CWC22: variants seen among roughly 807,000 people sequenced by gnomAD.
CWC22 encodes CWC22 spliceosome associated protein.
CWC22 carries 53 observed loss-of-function variants against 117.2 expected under a neutral mutation model. That is an observed-to-expected ratio of 0.45 (90% CI 0.36 to 0.57). The LOEUF (loss-of-function observed/expected upper bound fraction) is 0.57, where lower values mean the gene tolerates loss of function less well. CWC22 is among the 20% of genes least tolerant of loss of function. The pLI is 0.00. For synonymous variants in CWC22, 360 were observed against 355.6 expected (o/e 1.01, Z -0.14); for missense variants, 980 against 1,068.8 (o/e 0.92, Z 1.16).
chr2:179,996,445 T>C (rs1448724394), intron 1 of CWC22, among the ~76,000 whole-genome samples: 2 of 152,186 alleles, frequency 1.3e-5, no homozygotes, highest in Middle Eastern at 3.4e-3. Context: ...GAATGGTTAA[T>C]AGTTAAAGCC....
chr2:179,949,012 C>T (rs1372955731), intron 19 of CWC22, among the ~76,000 whole-genome samples: 1 of 152,016 alleles, frequency 6.6e-6, no homozygotes, highest in Non-Finnish European at 1.5e-5. Context: ...TGCAACTTTC[C>T]TAAATCTAAA....
chr2:179,967,814 T>G (rs1380866101), intron 11 of CWC22, among the ~76,000 whole-genome samples: 2 of 152,178 alleles, frequency 1.3e-5, no homozygotes, highest in African/African-American at 4.8e-5. Context: ...GCAAGATGAA[T>G]TAGCTATTTT....
intron 14 of CWC22, 87 bp from the exon 15 acceptor site, chr2:179,955,121 C>T (rs1001860764): frequency 1.9e-5 from 18 of 946,876 alleles, no homozygotes; most frequent in Non-Finnish European, 2.8e-5. Context: ...TGACTGCCTG[C>T]ATTTTTAAAT....
chr2:179,997,195 A>T (rs1263700429), intron 1 of CWC22, among the ~76,000 whole-genome samples: 1 of 145,292 alleles, frequency 6.9e-6, no homozygotes, highest in African/African-American at 2.5e-5. Flanking sequence ...AGTATATAGA[A>T]CTAGCGACCA....
chr2:179,969,731 A>G (rs547389655), intron 11 of CWC22, among the ~76,000 whole-genome samples: 1 of 152,340 alleles, frequency 6.6e-6, no homozygotes, highest in Admixed American at 6.5e-5. Flanking sequence ...CCACAGCAAT[A>G]AATACTTCTC....
intron 17 of CWC22, among the ~76,000 whole-genome samples, 166 bp downstream of exon 17, chr2:179,952,305 C>G (rs1686471250): frequency 6.6e-6 from 1 of 151,988 alleles, no homozygotes; most frequent in Non-Finnish European, 1.5e-5. Flanking sequence ...CTAAAAGTTG[C>G]ATGTTGTCCT....
chr2:179,982,557 G>C (rs907263782), intron 4 of CWC22, among the ~76,000 whole-genome samples: 1 of 152,138 alleles, frequency 6.6e-6, no homozygotes, highest in African/African-American at 2.4e-5. Flanking sequence ...TACTTTAGTT[G>C]TAAGACTACT....
intron 5 of CWC22, among the ~76,000 whole-genome samples, chr2:179,979,374 A>G (rs946293752): frequency 3.9e-5 from 6 of 152,204 alleles, no homozygotes; most frequent in African/African-American, 1.4e-4. Context: ...CAGACTGTCA[A>G]TACTCTGATC....
chr2:179,952,216 C>T (rs1686468473), intron 17 of CWC22, among the ~76,000 whole-genome samples: 2 of 152,004 alleles, frequency 1.3e-5, no homozygotes, highest in Non-Finnish European at 2.9e-5. Context: ...TTCAAGTGAG[C>T]ATACAAAAAC....
At chr2:180,006,042 G>A (rs1384611533) in intron 1 of CWC22, among the ~76,000 whole-genome samples, 1 of 152,170 alleles carries the variant, frequency 6.6e-6, no homozygotes, top group Non-Finnish European at 1.5e-5. Flanking sequence ...TCCATAGTAG[G>A]ATGATAATTT....
chr2:179,990,544 G>A (rs906721983), intron 2 of CWC22, among the ~76,000 whole-genome samples: 22 of 68,678 alleles, frequency 3.2e-4, no homozygotes, highest in African/African-American at 1.2e-3. Flanking sequence ...GAGTGAGACA[G>A]ACAGAGAGAG....
intron 19 of CWC22, among the ~76,000 whole-genome samples, chr2:179,950,226 T>C (rs142249313): frequency 1.7e-3 from 261 of 152,286 alleles, no homozygotes; most frequent in Non-Finnish European, 3.1e-3. Flanking sequence ...ATAAACTAGA[T>C]TACAAACATT....
At position 179,988,963 on chromosome 2, in the gene CWC22, T is replaced by C. The variant is rs796798162; in HGVS notation, c.28-319A>G. Among the ~76,000 whole-genome samples, 11 of 151,858 alleles carry C rather than the reference T, an allele frequency of 7.2e-5. 1 individual carries two copies. The highest frequency in any genetic ancestry group is 2.6e-4 in the African/African-American group (11 of 41,520). ...TAGTTTTATGTGGAACAGGTGGTGT[T>C]TGGTTACATGGATAAGTTCTTTAGT... On this transcript the variant is annotated intron_variant, in intron 2 of 19. Transcript: ENST00000410053.
At chr2:180,006,516 A>C (rs1687979094) in intron 1 of CWC22, among the ~76,000 whole-genome samples, 1 of 152,250 alleles carries the variant, frequency 6.6e-6, no homozygotes, top group Non-Finnish European at 1.5e-5. Flanking sequence ...ACTAGACACT[A>C]TCAGTATTTA....
intron 13 of CWC22, among the ~76,000 whole-genome samples, chr2:179,962,784 A>G (rs1054199015): frequency 6.6e-6 from 1 of 152,142 alleles, no homozygotes; most frequent in Non-Finnish European, 1.5e-5. Context: ...GCTATAGCAA[A>G]TAACAATGTT....
At position 179,950,871 on chromosome 2, in the gene CWC22, G is replaced by A. The variant is rs760757255; in HGVS notation, c.1873C>T (p.Arg625Trp). ...LLPRDNPRNTRFAINFFTSIG... is the reference protein window; with the variant it reads ...LLPRDNPRNTWFAINFFTSIG... ...GAAGTAAAGAAGTTGATGGCAAACC[G>A]AGTGTTTCTTGGATTATCTCGGGGT... Residue 625 changes from arginine (R) to tryptophan (W), a missense_variant, in exon 18 of 20, where the codon CGG (arginine) becomes TGG (tryptophan). This residue lies in a region of CWC22 where 115 missense variants were observed against 169.8 expected (regional missense o/e 0.68). Transcript: ENST00000410053. The A allele has an allele frequency of 1.9e-6, 3 of 1,595,000 alleles. No homozygotes were observed. Among genetic ancestry groups the A allele is most frequent in the Admixed American group, 3.5e-5 (2 of 57,580 alleles).
chr2:179,958,797 T>G (rs1469907930), intron 14 of CWC22, among the ~76,000 whole-genome samples: 1 of 152,202 alleles, frequency 6.6e-6, no homozygotes, highest in Non-Finnish European at 1.5e-5. Context: ...AGAGACTCTC[T>G]TTTTACCATA....
At chr2:179,947,485 T>C (rs1686339747) in intron 19 of CWC22, among the ~76,000 whole-genome samples, 2 of 152,242 alleles carry the variant, frequency 1.3e-5, no homozygotes, top group African/African-American at 4.8e-5. Flanking sequence ...TTTTATGCTA[T>C]TTAGTATTTT....
rs1686452012 is a variant in CWC22, at chr2:179,951,695, G to A, written c.1818-769C>T. On this transcript the variant is annotated intron_variant, in intron 17 of 19. Transcript: ENST00000410053. ...AGTGCAGCTTGCTGAAGAGAGAGAA[G>A]ACGAGCCTGGTCAAGTAGACAGGGA... Among the ~76,000 whole-genome samples the A allele has an allele frequency of 3.3e-5, 5 of 152,036 alleles. No homozygotes were observed. In the South Asian group the frequency reaches 1.0e-3, roughly 32 times the overall value.
Sources: allele counts gnomAD v4.1 joint callset (sites outside exome capture counted in the v4.1 genomes callset), GRCh38; gene constraint gnomAD v4.1.1; regional missense constraint gnomAD v4.1.1; transcripts MANE v1.5; gene names NCBI Gene and HGNC (gene_info 2026-07-23, HGNC 2026-07-21).